RAD52: variants seen among roughly 807,000 people sequenced by gnomAD.
RAD52 encodes DNA repair protein RAD52 homolog.
A neutral mutation model predicts 55.5 loss-of-function variants in RAD52; 47 were observed. The ratio of observed to expected loss-of-function variants is 0.85; its 90% CI spans 0.67 to 1.08. The LOEUF (loss-of-function observed/expected upper bound fraction) is 1.08. RAD52 is among the 50% of genes least tolerant of loss of function. The pLI is 0.00. For missense variants in RAD52, 468 were observed against 522.8 expected, an observed-to-expected ratio of 0.90 and a Z score of 1.02; for synonymous variants, 184 against 198.9, an observed-to-expected ratio of 0.92 and a Z score of 0.63.
At chr12:938,915 C>A in intron 1 of RAD52, among the ~76,000 whole-genome samples, 1 of 152,040 alleles carries the variant, frequency 6.6e-6, no homozygotes, top group Non-Finnish European at 1.5e-5. Context: ...GTGTGCACCA[C>A]CACAGCTGGT....
chr12:965,071 C>T (rs1479498486), intron 1 of RAD52, among the ~76,000 whole-genome samples: 2 of 151,980 alleles, frequency 1.3e-5, no homozygotes, highest in African/African-American at 4.8e-5. Flanking sequence ...CCTCTGCCTC[C>T]TGGGTTCAAG....
chr12:934,316 A>G (rs1214587527), intron 1 of RAD52, among the ~76,000 whole-genome samples: 2 of 151,864 alleles, frequency 1.3e-5, no homozygotes, highest in African/African-American at 2.4e-5. Context: ...TACAAAAATT[A>G]GCCGGGTGTG....
intron 1 of RAD52, among the ~76,000 whole-genome samples, chr12:934,534 T>C (rs1171182046): frequency 6.6e-6 from 1 of 151,790 alleles, no homozygotes; most frequent in Admixed American, 6.6e-5. Context: ...TTGGGTCCCC[T>C]TCCCAAGATA....
chr12:966,899 G>A (rs900801395), intron 1 of RAD52, among the ~76,000 whole-genome samples: 8 of 151,526 alleles, frequency 5.3e-5, no homozygotes, highest in Non-Finnish European at 8.8e-5. Context: ...TTACTGTTGC[G>A]TCACAAGGTA....
At chr12:986,489 G>C (rs1269355373) in intron 1 of RAD52, among the ~76,000 whole-genome samples, 1 of 152,010 alleles carries the variant, frequency 6.6e-6, no homozygotes, top group Non-Finnish European at 1.5e-5. Context: ...AGCCTCCCAA[G>C]TAGCTAAGAA....
intron 7 of RAD52, among the ~76,000 whole-genome samples, chr12:923,239 A>C (rs7133387): frequency 0.023 from 3,540 of 151,578 alleles, 113 homozygotes; most frequent in African/African-American, 0.074. Context: ...AAAAGCCCCC[A>C]AAAAAAGTTA....
intron 1 of RAD52, chr12:974,040 G>C (rs1958904906): frequency 6.6e-6 from 1 of 152,116 alleles, no homozygotes; most frequent in Admixed American, 6.6e-5. Context: ...GCATGAGAGA[G>C]AGGAAATTAA....
At chr12:946,583 T>A (rs1958241251) in intron 1 of RAD52, among the ~76,000 whole-genome samples, 1 of 152,160 alleles carries the variant, frequency 6.6e-6, no homozygotes, top group Non-Finnish European at 1.5e-5. Flanking sequence ...CTTTTCTCTA[T>A]AAGATATATC....
intron 1 of RAD52, among the ~76,000 whole-genome samples, chr12:971,432 G>A (rs535047816): frequency 1.1e-4 from 16 of 152,190 alleles, no homozygotes; most frequent in South Asian, 4.1e-4. Flanking sequence ...TGCACTTAAC[G>A]GAGGAAAATA....
In RAD52 at chr12:933,017, G is replaced by T. The variant is rs559326074; in HGVS notation, c.42C>A (p.Ser14Arg). The change falls in exon 2 of 12, where the codon AGC becomes AGA. Residue 14 changes from serine to arginine, a missense_variant. Ser to Arg is a moderately radical substitution (Grantham distance 110). Transcript: ENST00000358495. Reference protein sequence around the residue: ...TEEAILGGRDSHPAAGGGSVL... With the variant: ...TEEAILGGRDRHPAAGGGSVL... The stretch of plus-strand genomic sequence containing the variant: ...CTGAGCCGCCGCCAGCAGCAGGATG[G>T]CTGTCACGTCCTCCAAGAATTGCTT... The T allele has an allele frequency of 6.2e-7, 1 of 1,613,814 alleles. No individual in the cohort carries two copies. The highest frequency in any genetic ancestry group is 8.5e-7 in the Non-Finnish European group (1 of 1,180,016).
chr12:914,640 C>T (rs1024850951), intron 9 of RAD52, 108 bp from the exon 10 acceptor site: 1 of 1,341,226 alleles, frequency 7.5e-7, no homozygotes, highest in African/African-American at 1.5e-5. Flanking sequence ...CTCCGAAGCA[C>T]AACACCGCTT....
intron 1 of RAD52, among the ~76,000 whole-genome samples, chr12:956,166 G>A (rs1478408747): frequency 6.6e-6 from 1 of 152,070 alleles, no homozygotes; most frequent in Non-Finnish European, 1.5e-5. Context: ...GAACTTTTTT[G>A]TTCATCCTCT....
At chr12:970,746 A>G (rs558871661) in intron 1 of RAD52, among the ~76,000 whole-genome samples, 1 of 152,294 alleles carries the variant, frequency 6.6e-6, no homozygotes, top group East Asian at 1.9e-4. Context: ...GCGGTCCATG[A>G]GACAAGGAGG....
At chr12:977,642 A>C (rs1958951600) in intron 1 of RAD52, among the ~76,000 whole-genome samples, 1 of 152,180 alleles carries the variant, frequency 6.6e-6, no homozygotes, top group Non-Finnish European at 1.5e-5. Flanking sequence ...TACCCACTCT[A>C]ACAACACCAG....
At chr12:978,721 G>A (rs1268059298) in intron 1 of RAD52, among the ~76,000 whole-genome samples, 3 of 151,676 alleles carry the variant, frequency 2.0e-5, no homozygotes, top group African/African-American at 7.3e-5. Context: ...GAGAATTACT[G>A]GAACCCAGGA....
intron 7 of RAD52, among the ~76,000 whole-genome samples, chr12:922,587 T>C (rs1022212389): frequency 1.3e-5 from 2 of 152,160 alleles, no homozygotes; most frequent in African/African-American, 2.4e-5. Context: ...TGGATGAATC[T>C]TAAAGGCATT....
At chr12:973,181 T>C (rs1958889430) in intron 1 of RAD52, among the ~76,000 whole-genome samples, 1 of 152,066 alleles carries the variant, frequency 6.6e-6, no homozygotes, top group Non-Finnish European at 1.5e-5. Context: ...ACCATTCTCC[T>C]GCCTCAGCCT....
chr12:917,188 C>G (rs1252114082), intron 7 of RAD52, among the ~76,000 whole-genome samples: 1 of 152,226 alleles, frequency 6.6e-6, no homozygotes, highest in African/African-American at 2.4e-5. Flanking sequence ...CAGGGCCACC[C>G]CTGCAAATCG....
At chr12:947,732 C>G (rs914121385) in intron 1 of RAD52, among the ~76,000 whole-genome samples, 1 of 151,438 alleles carries the variant, frequency 6.6e-6, no homozygotes, top group African/African-American at 2.4e-5. Flanking sequence ...ACTAAAAATA[C>G]CAAAAATTAG....
Sources: allele counts gnomAD v4.1 joint callset (sites outside exome capture counted in the v4.1 genomes callset), GRCh38; gene constraint gnomAD v4.1.1; transcripts MANE v1.5; gene names NCBI Gene and HGNC (gene_info 2026-07-23, HGNC 2026-07-21).